The following POLA1 variants were observed in gnomAD, a reference collection of about 807,000 sequenced individuals.
POLA1 encodes DNA polymerase alpha 1, catalytic subunit.
Under a neutral mutation model 124.0 loss-of-function variants are expected in POLA1, and 15 were observed. The ratio of observed to expected loss-of-function variants is 0.12; its 90% CI spans 0.08 to 0.19. POLA1 has a LOEUF of 0.19. Among genes scored for constraint, POLA1 ranks in the 10% least tolerant of loss-of-function variants. The pLI is 1.00. For synonymous variants in POLA1, 408 were observed against 389.4 expected (o/e 1.05, Z -0.56); for missense variants, 886 against 1,103.4 (o/e 0.80, Z 2.79).
At chrX:24,892,084 C>T (rs1475063433) in intron 35 of POLA1, among the ~76,000 whole-genome samples, 7 of 110,783 alleles carry the variant, frequency 6.3e-5, no homozygotes, top group African/African-American at 9.9e-5. Flanking sequence ...AGAAGAAAGC[C>T]GGGACAGTTT....
chrX:24,931,072 C>T (rs770248740), intron 36 of POLA1, among the ~76,000 whole-genome samples: 1 of 111,044 alleles, frequency 9.0e-6, no homozygotes, highest in East Asian at 2.8e-4. Flanking sequence ...CCTCAGCACT[C>T]GGCGTTTCCT....
intron 28 of POLA1, among the ~76,000 whole-genome samples, chrX:24,811,248 CTT>C (rs372687014): frequency 1.0e-5 from 1 of 98,733 alleles, no homozygotes; most frequent in Non-Finnish European, 2.1e-5. Context: ...GCCCAATCCT[CTT>C]TTTTTTTTTT....
rs1303479892 is a variant in POLA1, at chrX:24,748,873, G to A, written c.2845G>A (p.Asp949Asn). Residue 949 changes from aspartate to asparagine, a missense_variant, in exon 26 of 37, where the codon GAC becomes AAC. Asp to Asn is a conservative substitution (Grantham distance 23, BLOSUM62 1). Around this residue, in one of 7 missense-constraint regions of POLA1, gnomAD observed 182 missense variants for 252.8 expected, o/e 0.72. Coordinates refer to ENST00000379068, the MANE Select transcript of POLA1 (RefSeq NM_001330360.2). ...DLNPDLILQY[D>N]IRQKALKLTA... Reference sequence around the variant, plus strand: ...TTTTGTTCTGTGTGGCCTGCAGTATGACATTCGACAGAAGGCTTTGAAGCT... The same window carrying A: ...TTTTGTTCTGTGTGGCCTGCAGTATAACATTCGACAGAAGGCTTTGAAGCT... 5.8e-6 allele frequency: 7 copies of A among 1,209,117 alleles called. No individual in the cohort carries two copies. In the South Asian group the frequency reaches 1.2e-4, roughly 21 times the overall value.
intron 34 of POLA1, among the ~76,000 whole-genome samples, chrX:24,851,244 C>T (rs1022311834): frequency 1.8e-5 from 2 of 112,293 alleles, no homozygotes; most frequent in Non-Finnish European, 3.8e-5. Context: ...TTGTGCCTAA[C>T]GTGATAGGTG....
At chrX:24,910,929 ATTCTT>A (rs1377425409) in intron 35 of POLA1, among the ~76,000 whole-genome samples, 5 of 112,389 alleles carry the variant, frequency 4.4e-5, no homozygotes, top group Non-Finnish European at 9.4e-5. Context: ...CACCATCCAC[ATTCTT>A]TTCAAGTGTA....
intron 33 of POLA1, 130 bp from the exon 34 acceptor site, chrX:24,843,416 T>C: frequency 2.4e-6 from 1 of 414,229 alleles, no homozygotes; most frequent in East Asian, 4.2e-5. Flanking sequence ...ATTGAGAAGA[T>C]AGGGTTAACA....
intron 26 of POLA1, among the ~76,000 whole-genome samples, chrX:24,785,198 C>T (rs1298372879): frequency 8.9e-6 from 1 of 112,077 alleles, no homozygotes; most frequent in African/African-American, 3.2e-5. Flanking sequence ...AGGAAAAATC[C>T]AGACTAACAT....
At chrX:24,960,523 A>G (rs763500202) in intron 36 of POLA1, among the ~76,000 whole-genome samples, 3 of 111,654 alleles carry the variant, frequency 2.7e-5, no homozygotes, top group Non-Finnish European at 5.6e-5. Context: ...GAAAGCTACT[A>G]AATTTGAAAA....
intron 1 of POLA1, among the ~76,000 whole-genome samples, chrX:24,696,631 A>G (rs1023100291): frequency 3.6e-5 from 4 of 111,620 alleles, no homozygotes; most frequent in Admixed American, 9.6e-5. Flanking sequence ...GTAATGGGGC[A>G]TAGGCTCTGC....
chrX:24,805,305 C>T (rs1054934564), intron 26 of POLA1, among the ~76,000 whole-genome samples: 1 of 111,357 alleles, frequency 9.0e-6, no homozygotes, highest in Non-Finnish European at 1.9e-5. Flanking sequence ...GAAATATCGG[C>T]GTGAAGGGCT....
At chrX:24,792,034 A>G (rs2045509771) in intron 26 of POLA1, among the ~76,000 whole-genome samples, 2 of 112,420 alleles carry the variant, frequency 1.8e-5, no homozygotes, top group Admixed American at 9.4e-5. Context: ...AATAGATTCA[A>G]ATATTGAAAT....
At chrX:24,975,779 A>G (rs2048359184) in intron 36 of POLA1, among the ~76,000 whole-genome samples, 1 of 112,725 alleles carries the variant, frequency 8.9e-6, no homozygotes, top group Admixed American at 9.4e-5. Flanking sequence ...CAGAATGGGG[A>G]AAAAGTCACA....
chrX:24,905,890 G>A (rs747541421), intron 35 of POLA1, among the ~76,000 whole-genome samples: 38 of 112,073 alleles, frequency 3.4e-4, no homozygotes, highest in Non-Finnish European at 5.6e-4. Flanking sequence ...TGGAAAAATA[G>A]AAAATCTCAA....
intron 29 of POLA1, 129 bp from the exon 30 acceptor site, chrX:24,814,850 C>G (rs2045965553): frequency 3.4e-6 from 2 of 593,340 alleles, no homozygotes; most frequent in South Asian, 8.5e-5. Flanking sequence ...CTCATATTAG[C>G]TCTTACTGTA....
chrX:24,933,896 T>C (rs1361316782), intron 36 of POLA1, among the ~76,000 whole-genome samples: 1 of 112,745 alleles, frequency 8.9e-6, no homozygotes, highest in Admixed American at 9.4e-5. Context: ...AGGACTGTTA[T>C]TCACGTTGGT....
In POLA1 at chrX:24,819,736, T is replaced by TA. The variant is rs1476680149; in HGVS notation, c.3430-1715dup. 2.7e-5 allele frequency among the ~76,000 whole-genome samples: 3 copies of TA among 111,294 alleles called. No individual in the cohort carries two copies. In the Admixed American group the frequency reaches 2.9e-4, roughly 11 times the overall value. On this transcript the variant is annotated intron_variant, in intron 30 of 36. Coordinates refer to ENST00000379068, the MANE Select transcript of POLA1 (RefSeq NM_001330360.2). ...ATGTGCCATGGTGGTTTGCTGCACT[T>TA]ATCAACCCGTCATCTAGGTTTTAAG...
At chrX:24,709,484 G>A (rs1929177322) in intron 4 of POLA1, among the ~76,000 whole-genome samples, 1 of 109,050 alleles carries the variant, frequency 9.2e-6, no homozygotes, top group African/African-American at 3.3e-5. Context: ...GGCCTGGCGG[G>A]GGCTGACCCC....
chrX:24,720,374 G>A (rs1930131758), intron 10 of POLA1, among the ~76,000 whole-genome samples: 1 of 112,036 alleles, frequency 8.9e-6, no homozygotes, highest in East Asian at 2.8e-4. Flanking sequence ...GGAGGGCTGG[G>A]ATCTTTTATT....
At position 24,841,753 on chromosome X, in the gene POLA1, A is replaced by G. The variant is rs775152736; in HGVS notation, c.3838A>G (p.Arg1280Gly). The G allele has an allele frequency of 2.5e-6, 3 of 1,189,420 alleles. No homozygotes were observed. Among genetic ancestry groups the G allele is most frequent in the South Asian group, 3.6e-5 (2 of 56,076 alleles). The change falls in exon 33 of 37, where the codon AGG becomes GGG. Residue 1280 changes from arginine to glycine, a missense_variant. Physicochemically the swap from Arg to Gly is moderately radical, Grantham distance 125. This residue lies in a region of POLA1 where 313 missense variants were observed against 359.7 expected (regional missense o/e 0.87). Transcript: ENST00000379068. ...PAQLTDEEKY[R>G]DCERFKCPCP... The stretch of plus-strand genomic sequence containing the variant: ...ACAGCTCACTGATGAAGAGAAATAC[A>G]GGGACTGTGAAAGATTCAAATGTCC...
Sources: allele counts gnomAD v4.1 joint callset (sites outside exome capture counted in the v4.1 genomes callset), GRCh38; gene constraint gnomAD v4.1.1; regional missense constraint gnomAD v4.1.1; transcripts MANE v1.5; gene names NCBI Gene and HGNC (gene_info 2026-07-23, HGNC 2026-07-21).